COL23A1: variants seen among roughly 807,000 people sequenced by gnomAD.
The protein encoded by COL23A1 is collagen type XXIII alpha 1 chain.
COL23A1 carries 97 observed loss-of-function variants against 99.3 expected under a neutral mutation model. The ratio of observed to expected loss-of-function variants is 0.98; its 90% CI spans 0.83 to 1.16. The LOEUF is 1.16. Among genes scored for constraint, COL23A1 ranks in the 50% most tolerant of loss-of-function variants. The pLI is 0.00. For missense variants in COL23A1, 762 were observed against 757.4 expected (o/e 1.01, Z -0.07); for synonymous variants, 320 against 308.2 (o/e 1.04, Z -0.40).
chr5:178,541,149 A>G (rs1761262825), intron 2 of COL23A1, among the ~76,000 whole-genome samples: 1 of 152,210 alleles, frequency 6.6e-6, no homozygotes, highest in Non-Finnish European at 1.5e-5. Context: ...AGACAAATAG[A>G]ACAGAACAGC....
intron 8 of COL23A1, among the ~76,000 whole-genome samples, chr5:178,263,844 C>A (rs1765767013): frequency 6.6e-6 from 1 of 152,172 alleles, no homozygotes; most frequent in South Asian, 2.1e-4. Flanking sequence ...AGCTGGGGTA[C>A]ATCCACATCA....
chr5:178,252,746 T>C, intron 16 of COL23A1, 149 bp from the exon 17 acceptor site: 1 of 649,196 alleles, frequency 1.5e-6, no homozygotes, highest in South Asian at 2.1e-5. Context: ...CCCAGTCAGG[T>C]CAGGCCACAC....
At chr5:178,356,756 C>A (rs1397800358) in intron 2 of COL23A1, among the ~76,000 whole-genome samples, 1 of 152,172 alleles carries the variant, frequency 6.6e-6, no homozygotes, top group Non-Finnish European at 1.5e-5. Flanking sequence ...GATGCCTGGG[C>A]AGGAGTTACG....
chr5:178,334,316 T>C (rs1233700030), intron 2 of COL23A1, among the ~76,000 whole-genome samples: 3 of 152,206 alleles, frequency 2.0e-5, no homozygotes, highest in Non-Finnish European at 4.4e-5. Context: ...TCTCATGACG[T>C]GCCCAAAGCA....
At chr5:178,318,007 G>A (rs1381681755) in intron 2 of COL23A1, among the ~76,000 whole-genome samples, 1 of 152,184 alleles carries the variant, frequency 6.6e-6, no homozygotes. Flanking sequence ...CAATACGTGG[G>A]AGTTATGGGA....
chr5:178,264,760 G>A (rs551635638), intron 8 of COL23A1, among the ~76,000 whole-genome samples: 1 of 152,130 alleles, frequency 6.6e-6, no homozygotes, highest in South Asian at 2.1e-4. Context: ...GGGTTCAAGC[G>A]ATTCTCCTGC....
At chr5:178,380,294 G>A (rs1459011591) in intron 2 of COL23A1, among the ~76,000 whole-genome samples, 1 of 152,152 alleles carries the variant, frequency 6.6e-6, no homozygotes, top group Non-Finnish European at 1.5e-5. Context: ...CCTAGATGAG[G>A]GGGTCCAATG....
rs1433132486 is a variant in COL23A1, at chr5:178,560,665, G to A, written c.361+17C>T. ...GGCCGAACGCAGGAGCCAGAAGGGA[G>A]CTCAACCTTCACTTACCTGGGGGGC... On this transcript the variant is annotated intron_variant, in intron 2 of 28. Transcript: ENST00000390654. 1.9e-6 allele frequency: 3 copies of A among 1,609,322 alleles called. No homozygotes were observed. The highest frequency in any genetic ancestry group is 1.3e-5 in the African/African-American group (1 of 74,702).
intron 2 of COL23A1, among the ~76,000 whole-genome samples, chr5:178,535,485 G>A (rs1231380464): frequency 6.6e-6 from 1 of 152,230 alleles, no homozygotes; most frequent in African/African-American, 2.4e-5. Flanking sequence ...TCTGTATACC[G>A]CATGCCAGGC....
chr5:178,494,941 G>A (rs1307436912), intron 2 of COL23A1, among the ~76,000 whole-genome samples: 2 of 152,208 alleles, frequency 1.3e-5, no homozygotes, highest in Non-Finnish European at 2.9e-5. Context: ...AGAGACACAT[G>A]TGGATGGCAT....
intron 2 of COL23A1, among the ~76,000 whole-genome samples, chr5:178,481,712 G>A (rs904573850): frequency 6.6e-6 from 1 of 152,058 alleles, no homozygotes; most frequent in Admixed American, 6.5e-5. Context: ...ATTAAAAAGA[G>A]GGAAAATGAC....
At chr5:178,427,311 T>C (rs1290317785) in intron 2 of COL23A1, among the ~76,000 whole-genome samples, 1 of 152,188 alleles carries the variant, frequency 6.6e-6, no homozygotes, top group African/African-American at 2.4e-5. Flanking sequence ...GCCTCGTCCA[T>C]TGCTGGTGGG....
chr5:178,520,490 T>C (rs779701182), intron 2 of COL23A1, among the ~76,000 whole-genome samples: 6 of 152,172 alleles, frequency 3.9e-5, no homozygotes, highest in Non-Finnish European at 7.4e-5. Context: ...GCTCTGTCGA[T>C]GTGTTTGGGA....
intron 2 of COL23A1, among the ~76,000 whole-genome samples, chr5:178,326,172 G>T (rs970765240): frequency 6.6e-6 from 1 of 152,116 alleles, no homozygotes; most frequent in African/African-American, 2.4e-5. Context: ...AACACTTGCC[G>T]AATACTCCAT....
intron 2 of COL23A1, among the ~76,000 whole-genome samples, chr5:178,481,388 A>G (rs1757330576): frequency 6.6e-6 from 1 of 152,190 alleles, no homozygotes; most frequent in African/African-American, 2.4e-5. Flanking sequence ...CATCATCAAA[A>G]TTAAAAACTT....
chr5:178,510,260 G>T (rs765742674), intron 2 of COL23A1, among the ~76,000 whole-genome samples: 2 of 152,214 alleles, frequency 1.3e-5, no homozygotes, highest in Non-Finnish European at 2.9e-5. Flanking sequence ...ACACATTGGC[G>T]CCTGGGCATG....
intron 2 of COL23A1, among the ~76,000 whole-genome samples, chr5:178,533,701 A>G (rs1190101764): frequency 4.6e-5 from 7 of 152,010 alleles, no homozygotes; most frequent in Non-Finnish European, 8.8e-5. Flanking sequence ...GTTTCACCAT[A>G]TTGGACAAGC....
At chr5:178,403,122 ATAAAT>A (rs369940018) in intron 2 of COL23A1, among the ~76,000 whole-genome samples, 1,310 of 110,926 alleles carry the variant, frequency 0.012, 295 homozygotes, top group East Asian at 0.078. Flanking sequence ...AAAAAAAAAA[ATAAAT>A]AAATAAAAAA....
intron 2 of COL23A1, among the ~76,000 whole-genome samples, chr5:178,530,752 C>T (rs897781675): frequency 6.6e-6 from 1 of 152,208 alleles, no homozygotes; most frequent in Non-Finnish European, 1.5e-5. Context: ...AGTGAGCGAG[C>T]CTTCAGAGGA....
Sources: allele counts gnomAD v4.1 joint callset (sites outside exome capture counted in the v4.1 genomes callset), GRCh38; gene constraint gnomAD v4.1.1; transcripts MANE v1.5; gene names NCBI Gene and HGNC (gene_info 2026-07-23, HGNC 2026-07-21).